ZNF536: variants seen among roughly 807,000 people sequenced by gnomAD.
The protein encoded by ZNF536 is zinc finger protein 536.
Under a neutral mutation model 84.5 loss-of-function variants are expected in ZNF536, and 13 were observed. The ratio of observed to expected loss-of-function variants is 0.15; its 90% confidence interval spans 0.10 to 0.24. The LOEUF (loss-of-function observed/expected upper bound fraction) is 0.24. ZNF536 is among the 10% of genes least tolerant of loss of function. The pLI, the probability that ZNF536 is intolerant of heterozygous loss-of-function variation, is 1.00. For missense variants in ZNF536, 1,536 were observed against 1,747.5 expected, an observed-to-expected ratio of 0.88 and a Z score of 2.16; for synonymous variants, 811 against 742.5, an observed-to-expected ratio of 1.09 and a Z score of -1.50.
At chr19:30,572,020 C>T (rs950599346) in intron 1 of ZNF536, among the ~76,000 whole-genome samples, 1 of 152,112 alleles carries the variant, frequency 6.6e-6, no homozygotes, top group Non-Finnish European at 1.5e-5. Context: ...GTGGCTTGTC[C>T]CTGCAGCTTT....
intron 1 of ZNF536, among the ~76,000 whole-genome samples, chr19:30,274,001 A>G (rs1460150961): frequency 1.3e-5 from 2 of 152,246 alleles, no homozygotes; most frequent in Non-Finnish European, 2.9e-5. Context: ...TCTTTCTAAT[A>G]TCTTGTATAT....
chr19:30,280,758 A>C (rs2045412727), intron 1 of ZNF536, among the ~76,000 whole-genome samples: 1 of 152,202 alleles, frequency 6.6e-6, no homozygotes, highest in African/African-American at 2.4e-5. Flanking sequence ...TGAGTCGGGC[A>C]GGCTGGGCTT....
intron 1 of ZNF536, among the ~76,000 whole-genome samples, chr19:30,236,746 G>T (rs766049323): frequency 2.0e-5 from 3 of 152,180 alleles, no homozygotes; most frequent in Non-Finnish European, 4.4e-5. Context: ...CCAGGGTCTG[G>T]TCATCTGGTT....
At chr19:30,525,855 G>C (rs1028473980) in intron 2 of ZNF536, among the ~76,000 whole-genome samples, 4 of 152,162 alleles carry the variant, frequency 2.6e-5, no homozygotes, top group African/African-American at 9.7e-5. Context: ...TGGAGTGCAG[G>C]TGGGGAGTTG....
intron 3 of ZNF536, among the ~76,000 whole-genome samples, chr19:30,545,728 G>T (rs1420593869): frequency 1.3e-5 from 2 of 152,016 alleles, no homozygotes; most frequent in Non-Finnish European, 2.9e-5. Context: ...GTATCCATTG[G>T]AAATAGACAC....
intron 1 of ZNF536, among the ~76,000 whole-genome samples, chr19:30,706,880 C>G (rs117067051): frequency 6.6e-6 from 1 of 152,182 alleles, no homozygotes; most frequent in Non-Finnish European, 1.5e-5. Context: ...ATAGAAAATA[C>G]AGTCCATTTC....
intron 2 of ZNF536, among the ~76,000 whole-genome samples, chr19:30,316,035 A>C (rs1211474686): frequency 6.6e-6 from 1 of 152,222 alleles, no homozygotes; most frequent in African/African-American, 2.4e-5. Context: ...GTTGGATATG[A>C]GGGAGGTTTC....
intron 2 of ZNF536, among the ~76,000 whole-genome samples, chr19:30,304,808 G>A (rs6510109): frequency 6.6e-6 from 1 of 152,074 alleles, no homozygotes; most frequent in Non-Finnish European, 1.5e-5. Flanking sequence ...GCTCTTAGCC[G>A]CTGCAGGCAC....
intron 2 of ZNF536, among the ~76,000 whole-genome samples, chr19:30,456,313 T>C (rs976162483): frequency 1.8e-4 from 26 of 148,130 alleles, no homozygotes; most frequent in Middle Eastern, 3.5e-3. Context: ...CTTTTCTTTT[T>C]TTTTTTTTTT....
chr19:30,537,592 G>T lies in ZNF536; in HGVS notation c.2323+2593G>T, dbSNP rs536030589. Among the ~76,000 whole-genome samples, 27 of 151,654 alleles carry T rather than the reference G, an allele frequency of 1.8e-4. No individual in the cohort carries two copies. In the East Asian group the frequency reaches 4.8e-3, roughly 27 times the overall value. On this transcript the variant is annotated intron_variant, in intron 3 of 4. Transcript: ENST00000355537. The stretch of plus-strand genomic sequence containing the variant: ...CCAAGACCAGTCAGCTTCCCGGGGG[G>T]TAAGAGAAGACACTCCACAGAATAT...
intron 1 of ZNF536, among the ~76,000 whole-genome samples, chr19:30,259,107 T>TAGC (rs1261387035): frequency 3.9e-5 from 6 of 152,180 alleles, no homozygotes; most frequent in Non-Finnish European, 8.8e-5. Flanking sequence ...GAGAAGCCTG[T>TAGC]AGCAACTCAA....
chr19:30,607,894 G>C (rs1247226081), intron 1 of ZNF536, among the ~76,000 whole-genome samples: 1 of 151,936 alleles, frequency 6.6e-6, no homozygotes, highest in Non-Finnish European at 1.5e-5. Flanking sequence ...AACAGAATGA[G>C]GCAGATGTAG....
At chr19:30,320,114 A>T (rs975677922) in intron 2 of ZNF536, among the ~76,000 whole-genome samples, 2 of 152,214 alleles carry the variant, frequency 1.3e-5, no homozygotes, top group African/African-American at 4.8e-5. Context: ...CTCTCTAAAC[A>T]TTTTACCAAC....
chr19:30,560,828 G>A (rs556524115), downstream of ZNF536, among the ~76,000 whole-genome samples: 52 of 152,334 alleles, frequency 3.4e-4, no homozygotes, highest in African/African-American at 1.0e-3. Flanking sequence ...AAGAAACTTC[G>A]CGATGATTAA....
intron 1 of ZNF536, among the ~76,000 whole-genome samples, chr19:30,239,114 G>A (rs1344282662): frequency 6.6e-6 from 1 of 152,156 alleles, no homozygotes; most frequent in African/African-American, 2.4e-5. Context: ...AAAGAAAAAT[G>A]CCAGTCTCTT....
At chr19:30,456,308 C>CTTTTTTTTTTTTTTTTTTT (rs11301441) in intron 2 of ZNF536, among the ~76,000 whole-genome samples, 2 of 108,092 alleles carry the variant, frequency 1.9e-5, no homozygotes, top group Non-Finnish European at 1.9e-5. Flanking sequence ...TGTTTCTTTT[C>CTTTTTTTTTTTTTTTTTTT]TTTTTTTTTT....
intron 2 of ZNF536, among the ~76,000 whole-genome samples, chr19:30,494,651 G>A (rs563310810): frequency 5.3e-4 from 81 of 151,952 alleles, no homozygotes; most frequent in Non-Finnish European, 1.1e-3. Context: ...ATTAATGTCC[G>A]GGGCCTTTTT....
At chr19:30,402,576 C>G (rs973831839) in intron 1 of ZNF536, among the ~76,000 whole-genome samples, 2 of 151,756 alleles carry the variant, frequency 1.3e-5, no homozygotes, top group Admixed American at 6.6e-5. Flanking sequence ...TCTACCTCTC[C>G]CAGCCACCTT....
intron 1 of ZNF536, among the ~76,000 whole-genome samples, chr19:30,621,333 A>T (rs1340816170): frequency 6.6e-6 from 1 of 152,098 alleles, no homozygotes; most frequent in East Asian, 1.9e-4. Flanking sequence ...GAAGTAACTG[A>T]CCTTCCTTCT....
Sources: allele counts gnomAD v4.1 joint callset (sites outside exome capture counted in the v4.1 genomes callset), GRCh38; gene constraint gnomAD v4.1.1; transcripts MANE v1.5; gene names NCBI Gene and HGNC (gene_info 2026-07-23, HGNC 2026-07-21).